Variants in LTBP1 observed in about 807,000 individuals in gnomAD.
The protein encoded by LTBP1 is latent transforming growth factor beta binding protein 1.
In LTBP1, 129 loss-of-function variants were observed where a neutral mutation model predicts 207.6. The observed-to-expected ratio is 0.62, with a 90% confidence interval of 0.54 to 0.72. The LOEUF (loss-of-function observed/expected upper bound fraction) is 0.72, where lower values mean the gene tolerates loss of function less well. Among genes scored for constraint, LTBP1 ranks in the 30% least tolerant of loss-of-function variants. The pLI, the probability that LTBP1 is intolerant of heterozygous loss-of-function variation, is 0.00. For synonymous variants in LTBP1, 963 were observed against 833.7 expected, an observed-to-expected ratio of 1.16 and a Z score of -2.67; for missense variants, 2,281 against 2,217.2, an observed-to-expected ratio of 1.03 and a Z score of -0.58.
intron 4 of LTBP1, among the ~76,000 whole-genome samples, chr2:33,114,951 C>T (rs753348239): frequency 3.3e-5 from 5 of 151,808 alleles, no homozygotes; most frequent in Non-Finnish European, 7.4e-5. Flanking sequence ...CATGAATGTT[C>T]ATAGCAACAT....
chr2:32,982,900 G>A (rs554062059), intron 2 of LTBP1, among the ~76,000 whole-genome samples: 10 of 152,320 alleles, frequency 6.6e-5, no homozygotes, highest in African/African-American at 2.2e-4. Context: ...CCTCTGTTAC[G>A]GCAGTGCAGA....
intron 7 of LTBP1, among the ~76,000 whole-genome samples, chr2:33,189,245 GAGTGC>G: frequency 6.6e-6 from 1 of 152,206 alleles, no homozygotes; most frequent in South Asian, 2.1e-4. Flanking sequence ...GCCCAGGCTG[GAGTGC>G]AGTGGCACGA....
intron 4 of LTBP1, among the ~76,000 whole-genome samples, chr2:33,132,592 C>G (rs2081876685): frequency 6.6e-6 from 1 of 152,196 alleles, no homozygotes; most frequent in African/African-American, 2.4e-5. Context: ...AAAGTATTGA[C>G]TGATAGTAGC....
chr2:33,065,710 C>G (rs1288578507), intron 3 of LTBP1, among the ~76,000 whole-genome samples: 1 of 152,080 alleles, frequency 6.6e-6, no homozygotes, highest in Non-Finnish European at 1.5e-5. Context: ...GTTATGATGG[C>G]CTCCAAAAAC....
intron 9 of LTBP1, among the ~76,000 whole-genome samples, chr2:33,223,125 AC>A (rs1380240336): frequency 6.6e-6 from 1 of 151,946 alleles, no homozygotes; most frequent in Non-Finnish European, 1.5e-5. Context: ...GTATAGGTTA[AC>A]CCCCTATTCA....
At chr2:33,082,960 A>G (rs1558613139) in intron 3 of LTBP1, among the ~76,000 whole-genome samples, 1 of 151,992 alleles carries the variant, frequency 6.6e-6, no homozygotes, top group Admixed American at 6.6e-5. Context: ...CCAGTTCTCC[A>G]GGCCCTTGGG....
chr2:33,351,236 C>T (rs912618066), intron 26 of LTBP1, among the ~76,000 whole-genome samples: 1 of 152,150 alleles, frequency 6.6e-6, no homozygotes. Context: ...GATTTTCCAG[C>T]TCAACTTTTT....
At chr2:33,347,662 C>T (rs2094722169) in intron 26 of LTBP1, 152 bp downstream of exon 26, 6 of 901,462 alleles carry the variant, frequency 6.7e-6, no homozygotes, top group Non-Finnish European at 1.0e-5. Context: ...ATCTTCTGTG[C>T]CTGCCTTGTC....
intron 10 of LTBP1, among the ~76,000 whole-genome samples, chr2:33,244,332 G>A (rs1448132452): frequency 3.3e-5 from 5 of 152,100 alleles, no homozygotes; most frequent in Non-Finnish European, 7.4e-5. Context: ...ATATTGTCTT[G>A]TTCTTTAAAC....
At chr2:33,126,394 C>T (rs999332083) in intron 4 of LTBP1, among the ~76,000 whole-genome samples, 2 of 152,050 alleles carry the variant, frequency 1.3e-5, no homozygotes, top group Non-Finnish European at 2.9e-5. Flanking sequence ...TCACAAAAAC[C>T]AGCCCATGTC....
At chr2:33,269,567 C>A (rs548244137) in intron 15 of LTBP1, among the ~76,000 whole-genome samples, 4 of 152,186 alleles carry the variant, frequency 2.6e-5, no homozygotes, top group African/African-American at 9.7e-5. Context: ...AGCATACATA[C>A]CCCTGACACA....
intron 10 of LTBP1, among the ~76,000 whole-genome samples, chr2:33,251,175 A>G (rs2092673836): frequency 6.6e-6 from 1 of 152,206 alleles, no homozygotes; most frequent in Non-Finnish European, 1.5e-5. Context: ...CATCCTCGGC[A>G]AAATTTTGCA....
chr2:33,199,619 G>A (rs1308415714), intron 7 of LTBP1, among the ~76,000 whole-genome samples: 3 of 152,140 alleles, frequency 2.0e-5, no homozygotes, highest in South Asian at 2.1e-4. Flanking sequence ...TGGAAGTTCT[G>A]GCCAGGGCAA....
At chr2:33,107,561 G>A (rs2150219428) in intron 3 of LTBP1, among the ~76,000 whole-genome samples, 1 of 152,336 alleles carries the variant, frequency 6.6e-6, no homozygotes, top group Non-Finnish European at 1.5e-5. Flanking sequence ...AGGGGGCCCA[G>A]TGGATGGGAC....
intron 31 of LTBP1, among the ~76,000 whole-genome samples, chr2:33,373,003 T>A (rs1341946021): frequency 1.3e-5 from 2 of 152,254 alleles, no homozygotes; most frequent in African/African-American, 2.4e-5. Flanking sequence ...ATTTGAATCT[T>A]AAGTACCCAG....
intron 26 of LTBP1, among the ~76,000 whole-genome samples, chr2:33,354,683 T>C (rs60451687): frequency 1.1e-4 from 15 of 139,770 alleles, no homozygotes; most frequent in East Asian, 8.4e-4. Context: ...ACTAAAACTA[T>C]ACACACACAC....
At chr2:33,046,366 G>C (rs1427271498) in intron 3 of LTBP1, among the ~76,000 whole-genome samples, 1 of 152,198 alleles carries the variant, frequency 6.6e-6, no homozygotes, top group Admixed American at 6.5e-5. Flanking sequence ...CATCTATTGA[G>C]ATAATTATGT....
In LTBP1 at chr2:33,103,755, T is replaced by C. The variant is rs141473351; in HGVS notation, c.864-6827T>C. ...CTGCATCAAATCATAGCTGACACTT[T>C]AATTTACTTGAATGCCCATCCTGCT... is the stretch of plus-strand genomic sequence containing the variant. On this transcript the variant is annotated intron_variant, in intron 3 of 33. Transcript: ENST00000404816. Among the ~76,000 whole-genome samples, 1,213 of 152,278 alleles carry C rather than the reference T, an allele frequency of 8.0e-3. 11 individuals are homozygous for C. The highest frequency in any genetic ancestry group is 0.01 in the Middle Eastern group (3 of 294).
chr2:33,288,949 G>A (rs1327890541), intron 19 of LTBP1, among the ~76,000 whole-genome samples: 1 of 152,140 alleles, frequency 6.6e-6, no homozygotes, highest in Non-Finnish European at 1.5e-5. Flanking sequence ...ACTGTAGAAT[G>A]CATGATTCAA....
Sources: allele counts gnomAD v4.1 joint callset (sites outside exome capture counted in the v4.1 genomes callset), GRCh38; gene constraint gnomAD v4.1.1; transcripts MANE v1.5; gene names NCBI Gene and HGNC (gene_info 2026-07-23, HGNC 2026-07-21).